The following CACNA1B variants were observed in gnomAD, a reference collection of about 807,000 sequenced individuals.
The protein encoded by CACNA1B is calcium voltage-gated channel subunit alpha1 B.
Under a neutral mutation model 247.2 loss-of-function variants are expected in CACNA1B, and 70 were observed. That is an observed-to-expected ratio of 0.28 (90% CI 0.23 to 0.35). CACNA1B has a LOEUF of 0.35. Among genes scored for constraint, CACNA1B ranks in the 10% least tolerant of loss-of-function variants. The pLI is 1.00. For missense variants in CACNA1B, 2,367 were observed against 3,197.4 expected (o/e 0.74, Z 6.26); for synonymous variants, 1,231 against 1,294.4 (o/e 0.95, Z 1.05).
At chr9:137,878,936 C>T (rs895124138) in intron 1 of CACNA1B, 118 bp from the exon 2 acceptor site, 2 of 634,872 alleles carry the variant, frequency 3.2e-6, no homozygotes, top group African/African-American at 3.6e-5. Context: ...GCTCCGGACC[C>T]AGTTGTCTCA....
chr9:138,070,420 T>C (rs1960084362), intron 32 of CACNA1B, among the ~76,000 whole-genome samples: 1 of 152,238 alleles, frequency 6.6e-6, no homozygotes, highest in Non-Finnish European at 1.5e-5. Context: ...CCCATTCGCA[T>C]GTCACTGAAT....
chr9:137,958,236 C>T (rs1392322731), intron 10 of CACNA1B, among the ~76,000 whole-genome samples: 1 of 152,214 alleles, frequency 6.6e-6, no homozygotes, highest in East Asian at 1.9e-4. Flanking sequence ...CACACACACT[C>T]ATGCGTACAC....
intron 41 of CACNA1B, 112 bp from the exon 42 acceptor site, chr9:138,115,440 T>C (rs1015830303): frequency 8.7e-7 from 1 of 1,143,992 alleles, no homozygotes; most frequent in African/African-American, 1.6e-5. Context: ...GCCCTTAGGC[T>C]GGGCTTGAAC....
chr9:138,040,254 A>C (rs1959101056), intron 20 of CACNA1B, among the ~76,000 whole-genome samples: 1 of 151,924 alleles, frequency 6.6e-6, no homozygotes, highest in Admixed American at 6.6e-5. Flanking sequence ...TACTTACTTT[A>C]TGTATCTCAT....
rs918327139 is a variant in CACNA1B, at chr9:137,882,734, C to T, written c.391-10C>T. The T allele has an allele frequency of 4.3e-6, 7 of 1,613,794 alleles. No homozygotes were observed. The highest frequency in any genetic ancestry group is 2.2e-5 in the South Asian group (2 of 91,086). ...GGCCAGGGGTGACCACTGTTCTGCG[C>T]TTCTCCTAGGACGACACGGAGCCCT... On this transcript the variant is annotated splice_polypyrimidine_tract_variant and intron_variant, in intron 2 of 46. Transcript: ENST00000371372. The surrounding 1 kb of genome is among the most constrained non-coding windows in gnomAD (Gnocchi z 4.0).
At position 138,044,697 on chromosome 9, in the gene CACNA1B, A is replaced by G. The variant is rs573229452; in HGVS notation, c.3413+797A>G. On this transcript the variant is annotated intron_variant, in intron 21 of 46. Coordinates refer to ENST00000371372, the MANE Select transcript of CACNA1B (RefSeq NM_000718.4). ...TGCCCGGCCAGAGCAGGGGCTGGGC[A>G]GGTGGACGGGAGGGCAGAGGGCAGC... Among the ~76,000 whole-genome samples the G allele has an allele frequency of 1.1e-4, 16 of 152,348 alleles. No individual in the cohort carries two copies. In the South Asian group the frequency reaches 2.7e-3, roughly 26 times the overall value.
At chr9:137,879,775 C>T (rs1230314230) in intron 2 of CACNA1B, among the ~76,000 whole-genome samples, 1 of 152,180 alleles carries the variant, frequency 6.6e-6, no homozygotes, top group Non-Finnish European at 1.5e-5. Flanking sequence ...GGCAAGGTCT[C>T]CGTGGCTCAA....
intron 42 of CACNA1B, among the ~76,000 whole-genome samples, chr9:138,116,443 C>G (rs1262971980): frequency 2.0e-5 from 3 of 152,194 alleles, no homozygotes; most frequent in Non-Finnish European, 4.4e-5. Context: ...ATCCTGGGGG[C>G]TGACTCCCGA....
chr9:138,047,067 C>G, intron 22 of CACNA1B, 34 bp downstream of exon 22: 5 of 1,580,362 alleles, frequency 3.2e-6, no homozygotes, highest in Non-Finnish European at 2.6e-6. Context: ...CCCCGCCAGG[C>G]TGTGGCGGGG....
In CACNA1B at chr9:138,059,671, C is replaced by T; in HGVS notation, c.4602C>T (p.Ala1534=). Residue 1534 remains alanine (A), a synonymous_variant, in exon 31 of 47, where the codon GCC becomes GCT. Transcript: ENST00000371372. The surrounding 1 kb of genome is among the most constrained non-coding windows in gnomAD (Gnocchi z 4.2). ...TTCTCTAGAACTATTTCAGAGATGC[C>T]TGGAATGTCTTTGACTTTGTCACTG... ...AFGVLNYFRD[A]WNVFDFVTVL... 2 of 1,605,698 alleles carry T rather than the reference C, an allele frequency of 1.2e-6. No individual in the cohort carries two copies. Among genetic ancestry groups the T allele is most frequent in the Non-Finnish European group, 1.7e-6 (2 of 1,172,286 alleles).
chr9:138,058,129 A>C lies in CACNA1B; in HGVS notation c.4187A>C (p.Tyr1396Ser), dbSNP rs1260950845. 1 of 1,613,840 alleles carries C rather than the reference A, an allele frequency of 6.2e-7. No individual in the cohort carries two copies. Among genetic ancestry groups the C allele is most frequent in the Non-Finnish European group, 8.5e-7 (1 of 1,179,718 alleles). Residue 1396 changes from tyrosine (Y) to serine (S), a missense_variant, in exon 28 of 47, where the codon TAC (tyrosine) becomes TCC (serine). Physicochemically the swap from Tyr to Ser is moderately radical, Grantham distance 144. This residue lies in a region of CACNA1B where 436 missense variants were observed against 679.5 expected (regional missense o/e 0.64). Coordinates refer to ENST00000371372, the MANE Select transcript of CACNA1B (RefSeq NM_000718.4). This position sits in a 1 kb window ranked among gnomAD's most constrained non-coding sequence, Gnocchi z 4.7. ...PGYRMELSIFYVVYFVVFPFF... is the reference protein window; with the variant it reads ...PGYRMELSIFSVVYFVVFPFF... ...TACCGCATGGAGCTGTCCATCTTCTACGTGGTCTACTTTGTGGTCTTTCCC... is the reference window on the plus strand; with the variant it reads ...TACCGCATGGAGCTGTCCATCTTCTCCGTGGTCTACTTTGTGGTCTTTCCC...
intron 10 of CACNA1B, among the ~76,000 whole-genome samples, chr9:137,959,144 C>CTCACTGCAACCTCTGTCTCCCAGGT (rs1449991444): frequency 6.6e-6 from 1 of 152,110 alleles, no homozygotes; most frequent in Non-Finnish European, 1.5e-5. Flanking sequence ...GCAATCTCGG[C>CTCACTGCAACCTCTGTCTCCCAGGT]TCACTGCAAC....
At position 137,987,960 on chromosome 9, in the gene CACNA1B, C is replaced by T. The variant is rs76190099; in HGVS notation, c.1974+1106C>T. 3.4e-3 allele frequency among the ~76,000 whole-genome samples: 514 copies of T among 152,356 alleles called. 9 individuals carry two copies. The East Asian group carries it at 0.048, about 14-fold the overall frequency. ...CTTGCTGTTGTCATCCCTTCTTCCTCTCTGGTCTCATGTTTGAGTTGCTGC... is the reference window on the plus strand; with the variant it reads ...CTTGCTGTTGTCATCCCTTCTTCCTTTCTGGTCTCATGTTTGAGTTGCTGC... On this transcript the variant is annotated intron_variant, in intron 15 of 46. Coordinates refer to ENST00000371372, the MANE Select transcript of CACNA1B (RefSeq NM_000718.4).
intron 31 of CACNA1B, among the ~76,000 whole-genome samples, chr9:138,066,480 G>A (rs1959920072): frequency 6.6e-6 from 1 of 152,128 alleles, no homozygotes; most frequent in Non-Finnish European, 1.5e-5. Context: ...CAGGGAGGCA[G>A]GAGGAGAGAG....
chr9:138,038,825 G>GA (rs1373114058), intron 20 of CACNA1B, among the ~76,000 whole-genome samples: 6 of 152,208 alleles, frequency 3.9e-5, no homozygotes, highest in Non-Finnish European at 8.8e-5. Flanking sequence ...AGTATTTAGA[G>GA]ACAGTCATCT....
At position 137,955,822 on chromosome 9, in the gene CACNA1B, C is replaced by T. The variant is rs781585984; in HGVS notation, c.1186+9C>T. The T allele has an allele frequency of 5.8e-6, 9 of 1,544,806 alleles. No homozygotes were observed. The highest frequency in any genetic ancestry group is 2.7e-6 in the Non-Finnish European group (3 of 1,126,764). Reference sequence around the variant, plus strand: ...GTGGATCTTCAAGGCGGGTGAGGGCCCGTGGGAGCCACTGCACTCCTGGCC... The same window carrying T: ...GTGGATCTTCAAGGCGGGTGAGGGCTCGTGGGAGCCACTGCACTCCTGGCC... On this transcript the variant is annotated intron_variant, in intron 8 of 46. Transcript: ENST00000371372. This position sits in a 1 kb window ranked among gnomAD's most constrained non-coding sequence, Gnocchi z 6.9.
chr9:138,016,763 C>T (rs181931517), intron 18 of CACNA1B, among the ~76,000 whole-genome samples: 47 of 152,324 alleles, frequency 3.1e-4, no homozygotes, highest in Non-Finnish European at 5.7e-4. Flanking sequence ...GTCAGCCTCC[C>T]GCCGCAGGGT....
rs1958537199 is a variant in CACNA1B at position 137,999,321 on chromosome 9, G to T, written c.1975-7446G>T. On this transcript the variant is annotated intron_variant, in intron 15 of 46. Coordinates refer to ENST00000371372, the MANE Select transcript of CACNA1B (RefSeq NM_000718.4). Reference sequence around the variant, plus strand: ...GATAAGCAGGCACCGTTAATGAAAAGTCATTTAATATCTTTCCCATATTTG... The same window carrying T: ...GATAAGCAGGCACCGTTAATGAAAATTCATTTAATATCTTTCCCATATTTG... 2.0e-5 allele frequency among the ~76,000 whole-genome samples: 3 copies of T among 152,132 alleles called. No individual in the cohort carries two copies. The South Asian group carries it at 6.2e-4, about 32-fold the overall frequency.
Position 137,950,547 on chromosome 9 carries a change from G to A in CACNA1B, c.967-1727G>A, listed in dbSNP as rs1957867223. Among the ~76,000 whole-genome samples, 1 of 152,198 alleles carries A rather than the reference G, an allele frequency of 6.6e-6. No individual in the cohort carries two copies. The highest frequency in any genetic ancestry group is 1.5e-5 in the Non-Finnish European group (1 of 68,032). ...ATTCGGATGCCTCACTGCAGTCTAGGTGCTCCTCTGGGTCTTTGCTGGAAG... is the reference window on the plus strand; with the variant it reads ...ATTCGGATGCCTCACTGCAGTCTAGATGCTCCTCTGGGTCTTTGCTGGAAG... On this transcript the variant is annotated intron_variant, in intron 6 of 46. Coordinates refer to ENST00000371372, the MANE Select transcript of CACNA1B (RefSeq NM_000718.4). The surrounding 1 kb of genome is among the most constrained non-coding windows in gnomAD (Gnocchi z 4.8).
Sources: allele counts gnomAD v4.1 joint callset (sites outside exome capture counted in the v4.1 genomes callset), GRCh38; gene constraint gnomAD v4.1.1; regional missense constraint gnomAD v4.1.1; non-coding constraint Gnocchi (gnomAD v3.1); transcripts MANE v1.5; gene names NCBI Gene and HGNC (gene_info 2026-07-23, HGNC 2026-07-21).